The following ZMYM6 variants were observed in gnomAD, a reference collection of about 807,000 sequenced individuals.
ZMYM6 encodes zinc finger MYM-type protein 6.
ZMYM6 carries 90 observed loss-of-function variants against 134.0 expected under a neutral mutation model. The observed-to-expected ratio is 0.67, with a 90% CI of 0.57 to 0.80. The LOEUF (loss-of-function observed/expected upper bound fraction) is 0.80, where lower values mean the gene tolerates loss of function less well. Ranked by LOEUF, ZMYM6 falls within the 30% of genes least tolerant of loss-of-function variation. ZMYM6 has a pLI of 0.00. For missense variants in ZMYM6, 1,362 were observed against 1,533.9 expected, an observed-to-expected ratio of 0.89 and a Z score of 1.87; for synonymous variants, 481 against 524.1, an observed-to-expected ratio of 0.92 and a Z score of 1.12.
Position 35,010,586 on chromosome 1 carries a change from A to G in ZMYM6, c.1353T>C (p.Phe451=), listed in dbSNP as rs889091410. 1.2e-6 allele frequency: 2 copies of G among 1,611,492 alleles called. No homozygotes were observed. Among genetic ancestry groups the G allele is most frequent in the Non-Finnish European group, 1.7e-6 (2 of 1,179,352 alleles). The change falls in exon 10 of 16, where the codon TTT becomes TTC. Residue 451 remains phenylalanine, a synonymous_variant. Coordinates refer to ENST00000357182, the MANE Select transcript of ZMYM6 (RefSeq NM_007167.4). ...PELLFYKGKM[F]LFCGKNCSDE... ...CAGAGCAATTCTTGCCACAAAACAG[A>G]AACATTTTACCCTGCAGAGAAACAA... is the stretch of plus-strand genomic sequence containing the variant.
At chr1:35,011,469 G>A (rs1299160495) in intron 8 of ZMYM6, among the ~76,000 whole-genome samples, 1 of 152,200 alleles carries the variant, frequency 6.6e-6, no homozygotes, top group Non-Finnish European at 1.5e-5. Flanking sequence ...GTATTGCAGA[G>A]AGGGAGGAGA....
At chr1:35,006,709 C>T (rs1640973236) in intron 12 of ZMYM6, among the ~76,000 whole-genome samples, 1 of 152,120 alleles carries the variant, frequency 6.6e-6, no homozygotes, top group Admixed American at 6.5e-5. Flanking sequence ...ATCTAAGTTT[C>T]CTATAAAAAT....
At chr1:35,005,789 A>C (rs185279953) in intron 12 of ZMYM6, among the ~76,000 whole-genome samples, 3 of 152,346 alleles carry the variant, frequency 2.0e-5, no homozygotes, top group Admixed American at 1.3e-4. Context: ...CCAACCCCAT[A>C]ACACTAGTTT....
At chr1:35,015,743 A>AAAAGAAAAAAAAAAAAAATATATAT in intron 4 of ZMYM6, among the ~76,000 whole-genome samples, 1 of 106,476 alleles carries the variant, frequency 9.4e-6, no homozygotes, top group African/African-American at 6.6e-5. Context: ...AAAAAAAAAA[A>AAAAGAAAAAAAAAAAAAATATATAT]ATATATATAT....
intron 3 of ZMYM6, among the ~76,000 whole-genome samples, chr1:35,020,173 G>A (rs1641279559): frequency 1.3e-5 from 2 of 152,084 alleles, no homozygotes. Context: ...GAAGTTTTAT[G>A]AAACAATATG....
At chr1:35,002,423 T>C (rs915036572) in intron 14 of ZMYM6, among the ~76,000 whole-genome samples, 1 of 152,220 alleles carries the variant, frequency 6.6e-6, no homozygotes, top group African/African-American at 2.4e-5. Flanking sequence ...CCATAACTTG[T>C]AGTAAACCTT....
chr1:34,996,721 T>G (rs930625769), intron 14 of ZMYM6, among the ~76,000 whole-genome samples: 2 of 152,240 alleles, frequency 1.3e-5, no homozygotes, highest in Non-Finnish European at 2.9e-5. Context: ...TCCATTGTTA[T>G]GGATATATAC....
chr1:35,018,954 G>C (rs1163133549), intron 4 of ZMYM6: 1 of 235,000 alleles, frequency 4.3e-6, no homozygotes, highest in South Asian at 1.3e-4. Flanking sequence ...CGACCATGTA[G>C]AGTTTTTACT....
chr1:34,997,276 T>C (rs1218272317), intron 14 of ZMYM6, among the ~76,000 whole-genome samples: 2 of 152,230 alleles, frequency 1.3e-5, no homozygotes, highest in East Asian at 3.8e-4. Context: ...GCATTTAAAA[T>C]GATTCATAGA....
Position 35,022,244 on chromosome 1 carries a change from T to C in ZMYM6, c.94-1777A>G, listed in dbSNP as rs80185781. 6.4e-3 allele frequency among the ~76,000 whole-genome samples: 969 copies of C among 152,216 alleles called. 6 individuals carry two copies. Among genetic ancestry groups the C allele is most frequent in the African/African-American group, 0.022 (921 of 41,556 alleles). On this transcript the variant is annotated intron_variant, in intron 2 of 15. Coordinates refer to ENST00000357182, the MANE Select transcript of ZMYM6 (RefSeq NM_007167.4). ...GTCACAAAGAGACTACGTGCACAGA[T>C]GGGAATCAAACCCAGTCTCTCTGTT...
intron 15 of ZMYM6, chr1:34,990,289 G>A: frequency 3.6e-6 from 1 of 275,718 alleles, no homozygotes; most frequent in Non-Finnish European, 8.4e-6. Flanking sequence ...GACCAGCGTT[G>A]CCAACACTGT....
At chr1:35,001,447 A>G (rs967953547) in intron 14 of ZMYM6, among the ~76,000 whole-genome samples, 2 of 152,134 alleles carry the variant, frequency 1.3e-5, no homozygotes, top group African/African-American at 4.8e-5. Context: ...AATATGAGGT[A>G]TATGTTCCTA....
In ZMYM6 at chr1:35,014,851, C is replaced by T. The variant is rs746957210; in HGVS notation, c.641G>A (p.Gly214Asp). Reference protein sequence around the residue: ...FEVKYQNVVHGLCSDACFSKF... With the variant: ...FEVKYQNVVHDLCSDACFSKF... ...TGAAAAACAGGCATCACTACAAAGACCATGTACCACATTTTGATATTTAAC... is the reference window on the plus strand; with the variant it reads ...TGAAAAACAGGCATCACTACAAAGATCATGTACCACATTTTGATATTTAAC... The change falls in exon 6 of 16, where the codon GGT (glycine) becomes GAT (aspartate). Residue 214 changes from glycine (G) to aspartate (D), a missense_variant. Physicochemically the swap from Gly to Asp is moderately conservative, Grantham distance 94 (BLOSUM62 -1). Coordinates refer to ENST00000357182, the MANE Select transcript of ZMYM6 (RefSeq NM_007167.4). 12 of 1,614,094 alleles carry T rather than the reference C, an allele frequency of 7.4e-6. No homozygotes were observed. The highest frequency in any genetic ancestry group is 9.3e-6 in the Non-Finnish European group (11 of 1,180,018).
At chr1:35,007,870 A>G (rs564580094) in intron 11 of ZMYM6, among the ~76,000 whole-genome samples, 99 of 152,126 alleles carry the variant, frequency 6.5e-4, no homozygotes, top group Non-Finnish European at 1.3e-3. Flanking sequence ...TACACAATGA[A>G]AAAAGTAAGT....
At chr1:34,998,353 T>C (rs894401652) in intron 14 of ZMYM6, among the ~76,000 whole-genome samples, 17 of 152,224 alleles carry the variant, frequency 1.1e-4, no homozygotes, top group Non-Finnish European at 2.1e-4. Context: ...GTACCAATTG[T>C]TTTAACTACG....
intron 2 of ZMYM6, among the ~76,000 whole-genome samples, chr1:35,024,466 T>C (rs926101465): frequency 3.3e-5 from 5 of 152,154 alleles, no homozygotes; most frequent in African/African-American, 7.2e-5. Context: ...GACCTCAAAC[T>C]GCACTTAGTA....
At chr1:35,008,978 G>T in intron 10 of ZMYM6, 54 bp from the exon 11 acceptor site, 1 of 1,543,958 alleles carries the variant, frequency 6.5e-7, no homozygotes, top group South Asian at 1.2e-5. Flanking sequence ...TAACTGAGGA[G>T]GTATAATAAG....
In ZMYM6 at chr1:35,012,587, AAAATAAAAT is replaced by A; in HGVS notation, c.796-15_796-7del. The A allele has an allele frequency of 6.2e-7, 1 of 1,612,914 alleles. No homozygotes were observed. Among genetic ancestry groups the A allele is most frequent in the Non-Finnish European group, 8.5e-7 (1 of 1,179,502 alleles). ...GGAGGAATTTGGGCAGAATTCTATT[AAAATAAAAT>A]AACATTAGATACCTAGTACAAACAT... is the stretch of plus-strand genomic sequence containing the variant. On this transcript the variant is annotated splice_region_variant and splice_polypyrimidine_tract_variant and intron_variant, in intron 6 of 15. Transcript: ENST00000357182.
In ZMYM6 at chr1:34,989,215, C is replaced by G. The variant is rs996375834; in HGVS notation, c.2147-280G>C. 3.7e-5 allele frequency: 43 copies of G among 1,157,818 alleles called. 1 individual carries two copies. In the South Asian group the frequency reaches 9.5e-4, roughly 25 times the overall value. 71.7% of individuals were successfully genotyped at this position (1,157,818 alleles called of 1,614,324 possible). ...ACCCAATAGGTTATTGAAATTAGGG[C>G]TGAAGACCATGATACACATCAAATT... is the stretch of plus-strand genomic sequence containing the variant. On this transcript the variant is annotated intron_variant, in intron 15 of 15. Transcript: ENST00000357182.
Sources: gnomAD v4.1 joint callset for allele counts (sites outside exome capture counted in the v4.1 genomes callset) on GRCh38, gnomAD v4.1.1 for gene constraint, MANE v1.5 for transcripts, NCBI Gene and HGNC (gene_info 2026-07-23, HGNC 2026-07-21) for gene names.